The following PLXDC1 variants were observed in gnomAD, a reference collection of about 807,000 sequenced individuals.
PLXDC1 encodes the protein plexin domain-containing protein 1.
In PLXDC1, 39 loss-of-function variants were observed where a neutral mutation model predicts 61.3. The observed-to-expected ratio is 0.64, with a 90% CI of 0.49 to 0.83. The LOEUF (loss-of-function observed/expected upper bound fraction) is 0.83, where lower values mean the gene tolerates loss of function less well. Among genes scored for constraint, PLXDC1 ranks in the 40% least tolerant of loss-of-function variants. PLXDC1 has a pLI of 0.00. For missense variants in PLXDC1, 596 were observed against 666.5 expected (o/e 0.89, Z 1.17); for synonymous variants, 212 against 254.5 (o/e 0.83, Z 1.59).
intron 12 of PLXDC1, 36 bp from the exon 13 acceptor site, chr17:39,070,052 G>A (rs756600886): frequency 6.4e-7 from 1 of 1,574,786 alleles, no homozygotes; most frequent in African/African-American, 1.3e-5. Flanking sequence ...AGGGGCTGCA[G>A]GGGAGCAGGG....
chr17:39,084,659 G>C (rs1172944886), intron 8 of PLXDC1, among the ~76,000 whole-genome samples: 2 of 152,222 alleles, frequency 1.3e-5, no homozygotes, highest in Non-Finnish European at 2.9e-5. Flanking sequence ...CTGCTACCAG[G>C]CTGCACAGAG....
intron 7 of PLXDC1, among the ~76,000 whole-genome samples, chr17:39,103,385 A>T (rs976838108): frequency 1.3e-5 from 2 of 152,024 alleles, no homozygotes; most frequent in African/African-American, 2.4e-5. Flanking sequence ...CCAAAAAAAA[A>T]TTTAAAAATT....
At chr17:39,134,101 C>G (rs1344492793) in intron 2 of PLXDC1, among the ~76,000 whole-genome samples, 1 of 151,822 alleles carries the variant, frequency 6.6e-6, no homozygotes, top group Non-Finnish European at 1.5e-5. Flanking sequence ...ACTAAAAATA[C>G]AAAATAGCCG....
At chr17:39,074,767 C>T (rs1007855435) in intron 11 of PLXDC1, among the ~76,000 whole-genome samples, 3 of 152,102 alleles carry the variant, frequency 2.0e-5, no homozygotes, top group Non-Finnish European at 2.9e-5. Context: ...CACCCCTCCC[C>T]GCCCTGGCCC....
intron 2 of PLXDC1, among the ~76,000 whole-genome samples, chr17:39,129,752 CAAGA>C (rs1355208652): frequency 6.0e-4 from 30 of 50,086 alleles, no homozygotes; most frequent in Middle Eastern, 0.014. Context: ...GAAAGAAAAG[CAAGA>C]AAGAAAGAAA....
rs572544955 is a variant in PLXDC1 at position 39,070,762 on chromosome 17, G to C, written c.1223-746C>G. ...GGAGGCCGAGGCAGGCAGGTCACCT[G>C]AGGTCAGGATTTCAAGACCAGCCTG... On this transcript the variant is annotated intron_variant, in intron 12 of 13. Transcript: ENST00000315392. 1.8e-4 allele frequency among the ~76,000 whole-genome samples: 27 copies of C among 152,286 alleles called. 1 individual carries two copies. Among genetic ancestry groups the C allele is most frequent in the African/African-American group, 6.3e-4 (26 of 41,562 alleles).
chr17:39,067,754 G>A lies in PLXDC1; in HGVS notation c.*86C>T. Reference sequence around the variant, plus strand: ...CTCATCTCAGCCCAGGGCATGCTGGGAGAGGCCAGGAAAAGTCACTTCTCT... The same window carrying A: ...CTCATCTCAGCCCAGGGCATGCTGGAAGAGGCCAGGAAAAGTCACTTCTCT... On this transcript the variant is annotated 3_prime_UTR_variant, in exon 14 of 14. Coordinates refer to ENST00000315392, the MANE Select transcript of PLXDC1 (RefSeq NM_020405.5). 1 of 1,314,200 alleles carries A rather than the reference G, an allele frequency of 7.6e-7. No homozygotes were observed. Among genetic ancestry groups the A allele is most frequent in the Non-Finnish European group, 1.1e-6 (1 of 938,386 alleles). 81.4% of individuals were successfully genotyped at this position (1,314,200 alleles called of 1,614,324 possible).
upstream of PLXDC1, chr17:39,152,607 T>C: frequency 8.0e-7 from 1 of 1,250,304 alleles, no homozygotes; most frequent in Non-Finnish European, 1.0e-6. Context: ...TGAGGGGGCA[T>C]CCTGGCTTCT....
At chr17:39,143,964 T>C (rs1316015792) in intron 1 of PLXDC1, among the ~76,000 whole-genome samples, 1 of 152,180 alleles carries the variant, frequency 6.6e-6, no homozygotes, top group African/African-American at 2.4e-5. Flanking sequence ...TCCCCAGGTC[T>C]TCCTGCAAGC....
intron 2 of PLXDC1, among the ~76,000 whole-genome samples, chr17:39,130,681 G>C (rs1371161340): frequency 6.6e-6 from 1 of 151,944 alleles, no homozygotes; most frequent in African/African-American, 2.4e-5. Flanking sequence ...TCCTGCCTCA[G>C]CCTCCCAAGC....
At chr17:39,087,979 C>T (rs561487996) in intron 7 of PLXDC1, among the ~76,000 whole-genome samples, 67 of 152,298 alleles carry the variant, frequency 4.4e-4, no homozygotes, top group Non-Finnish European at 6.0e-4. Flanking sequence ...CTTGCCTCTG[C>T]GCCTTCACAA....
At position 39,142,389 on chromosome 17, in the gene PLXDC1, A is replaced by G. The variant is rs570540817; in HGVS notation, c.77-2557T>C. 9.8e-5 allele frequency among the ~76,000 whole-genome samples: 15 copies of G among 152,332 alleles called. No individual in the cohort carries two copies. In the South Asian group the frequency reaches 3.1e-3, roughly 32 times the overall value. On this transcript the variant is annotated intron_variant, in intron 1 of 13. Coordinates refer to ENST00000315392, the MANE Select transcript of PLXDC1 (RefSeq NM_020405.5). ...GAAGGACTGTGAAGATCAATAAGCA[A>G]TGTCTGCCATGGGCACAGGATTGGA... is the stretch of plus-strand genomic sequence containing the variant.
intron 9 of PLXDC1, among the ~76,000 whole-genome samples, chr17:39,081,744 A>G (rs1909570230): frequency 6.6e-6 from 1 of 152,158 alleles, no homozygotes; most frequent in Non-Finnish European, 1.5e-5. Flanking sequence ...GGAGTTCAAG[A>G]CCAGCTTGGC....
At chr17:39,110,303 G>A (rs913242921) in intron 2 of PLXDC1, among the ~76,000 whole-genome samples, 1 of 152,200 alleles carries the variant, frequency 6.6e-6, no homozygotes, top group Non-Finnish European at 1.5e-5. Context: ...AGGGTGGTGG[G>A]AAGGGGAGAG....
intron 1 of PLXDC1, among the ~76,000 whole-genome samples, chr17:39,145,338 T>C (rs1187774229): frequency 6.6e-6 from 1 of 152,100 alleles, no homozygotes. Context: ...CAAGGGGGAA[T>C]GGGGCTGACC....
intron 12 of PLXDC1, 144 bp downstream of exon 12, chr17:39,072,306 C>T (rs574574440): frequency 3.0e-6 from 2 of 676,330 alleles, no homozygotes; most frequent in East Asian, 2.7e-5. Flanking sequence ...GCCTCCCCAC[C>T]CAGCAGGAGG....
chr17:39,096,972 GC>G (rs1486693504), intron 7 of PLXDC1: 1 of 471,188 alleles, frequency 2.1e-6, no homozygotes, highest in East Asian at 6.9e-5. Flanking sequence ...CTGCTGAAAA[GC>G]CTGCGGAAGA....
At chr17:39,110,833 G>A (rs970448548) in intron 2 of PLXDC1, among the ~76,000 whole-genome samples, 7 of 152,182 alleles carry the variant, frequency 4.6e-5, no homozygotes, top group Non-Finnish European at 8.8e-5. Context: ...ACCTGGGGTT[G>A]GGGCAGGCTG....
In PLXDC1 at chr17:39,147,683, G is replaced by A. The variant is rs73983239; in HGVS notation, c.76+3679C>T. 6.6e-3 allele frequency among the ~76,000 whole-genome samples: 1,010 copies of A among 152,096 alleles called. 13 individuals carry two copies. Among genetic ancestry groups the A allele is most frequent in the African/African-American group, 0.023 (948 of 41,474 alleles). ...GGAAGAGGGAGGGAGGGAAGGGGAGGGGAGGGGAAGGGAGGGACAGCAAGA... is the reference window on the plus strand; with the variant it reads ...GGAAGAGGGAGGGAGGGAAGGGGAGAGGAGGGGAAGGGAGGGACAGCAAGA... On this transcript the variant is annotated intron_variant, in intron 1 of 13. Coordinates refer to ENST00000315392, the MANE Select transcript of PLXDC1 (RefSeq NM_020405.5).
Sources: gnomAD v4.1 joint callset for allele counts (sites outside exome capture counted in the v4.1 genomes callset) on GRCh38, gnomAD v4.1.1 for gene constraint, MANE v1.5 for transcripts, NCBI Gene and HGNC (gene_info 2026-07-23, HGNC 2026-07-21) for gene names.